The following IQSEC1 variants were observed in gnomAD, a reference collection of about 807,000 sequenced individuals.
The protein encoded by IQSEC1 is IQ motif and SEC7 domain-containing protein 1.
In IQSEC1, 31 loss-of-function variants were observed where a neutral mutation model predicts 91.0. The observed-to-expected ratio is 0.34, with a 90% confidence interval of 0.26 to 0.46. IQSEC1 has a LOEUF of 0.46. IQSEC1 is among the 20% of genes least tolerant of loss of function. IQSEC1 has a pLI of 1.00. For missense variants in IQSEC1, 1,388 were observed against 1,575.6 expected, an observed-to-expected ratio of 0.88 and a Z score of 2.02; for synonymous variants, 699 against 662.6, an observed-to-expected ratio of 1.05 and a Z score of -0.84.
chr3:12,928,065 G>A (rs1169720108), intron 3 of IQSEC1, among the ~76,000 whole-genome samples: 1 of 152,222 alleles, frequency 6.6e-6, no homozygotes, highest in African/African-American at 2.4e-5. Context: ...AAGTCCACAA[G>A]AGCGATGCCA....
chr3:13,195,325 A>C (rs73134124), intron 1 of IQSEC1, among the ~76,000 whole-genome samples: 5,703 of 152,274 alleles, frequency 0.037, 331 homozygotes, highest in African/African-American at 0.12. Flanking sequence ...AACAAGAAAG[A>C]GTGGTGACAC....
At chr3:13,208,751 C>A in intron 1 of IQSEC1, among the ~76,000 whole-genome samples, 1 of 152,294 alleles carries the variant, frequency 6.6e-6, no homozygotes, top group Middle Eastern at 3.4e-3. Context: ...CCCCCAACTC[C>A]GACCCCCTTC....
chr3:13,220,174 G>A (rs945041699), intron 1 of IQSEC1, among the ~76,000 whole-genome samples: 1 of 152,226 alleles, frequency 6.6e-6, no homozygotes, highest in Non-Finnish European at 1.5e-5. Flanking sequence ...CTGCCTCCTG[G>A]GGCCGGCAGT....
At chr3:12,953,283 C>G (rs1576027709) in intron 1 of IQSEC1, among the ~76,000 whole-genome samples, 1 of 152,226 alleles carries the variant, frequency 6.6e-6, no homozygotes. Context: ...GCCGGGGCAG[C>G]CCGACCCGAT....
At chr3:13,052,324 T>C (rs536912870) in intron 1 of IQSEC1, among the ~76,000 whole-genome samples, 2 of 152,338 alleles carry the variant, frequency 1.3e-5, no homozygotes, top group South Asian at 4.1e-4. Flanking sequence ...AAGACCGGCT[T>C]TCTGCACTCA....
At chr3:13,085,515 GC>G (rs1705721020) in intron 2 of IQSEC1, among the ~76,000 whole-genome samples, 2 of 152,170 alleles carry the variant, frequency 1.3e-5, no homozygotes, top group South Asian at 4.1e-4. Context: ...AGAAAACTAG[GC>G]CTCCGTGACG....
At chr3:13,010,975 G>A (rs1470219391) in intron 1 of IQSEC1, among the ~76,000 whole-genome samples, 1 of 152,112 alleles carries the variant, frequency 6.6e-6, no homozygotes, top group Admixed American at 6.5e-5. Context: ...CCTCCTCCTG[G>A]AAGCCTCCCC....
chr3:13,075,810 G>A (rs1705553747), upstream of IQSEC1, among the ~76,000 whole-genome samples: 1 of 152,190 alleles, frequency 6.6e-6, no homozygotes, highest in Admixed American at 6.5e-5. Context: ...GCACAGAGGA[G>A]GCTCCAAAAA....
chr3:13,038,260 GTGTATATATATATATATATA>G (rs1232733364), intron 1 of IQSEC1, among the ~76,000 whole-genome samples: 6 of 62,360 alleles, frequency 9.6e-5, no homozygotes, highest in Admixed American at 2.4e-4. Flanking sequence ...GTGTGTGTGT[GTGTATATATATATATATATA>G]TATATATATA....
chr3:12,953,138 AG>A (rs1699669571), intron 1 of IQSEC1, among the ~76,000 whole-genome samples: 1 of 152,204 alleles, frequency 6.6e-6, no homozygotes, highest in African/African-American at 2.4e-5. Flanking sequence ...GAACTGAGCA[AG>A]CCAGGGGGAA....
chr3:13,061,771 G>A lies in IQSEC1; in HGVS notation c.23+11221C>T, dbSNP rs562665879. On this transcript the variant is annotated intron_variant, in intron 1 of 13. Coordinates refer to ENST00000613206, the MANE Select transcript of IQSEC1 (RefSeq NM_001134382.3). ...TCCTCTAACTCCAAGCAAAGCCTGT[G>A]GCCTGTTTCTAGACTTGGTTTACCC... is the stretch of plus-strand genomic sequence containing the variant. Among the ~76,000 whole-genome samples the A allele has an allele frequency of 1.1e-4, 16 of 152,248 alleles. No individual in the cohort carries two copies. The East Asian group carries it at 2.7e-3, about 26-fold the overall frequency.
intron 3 of IQSEC1, among the ~76,000 whole-genome samples, chr3:12,926,884 A>G (rs954101070): frequency 2.0e-5 from 3 of 152,210 alleles, no homozygotes; most frequent in African/African-American, 7.2e-5. Context: ...GGAGTGTGGC[A>G]GGGAGCAGAC....
chr3:12,899,627 C>G lies in IQSEC1; in HGVS notation c.*1356G>C, dbSNP rs547837736. On this transcript the variant is annotated 3_prime_UTR_variant, in exon 14 of 14. Coordinates refer to ENST00000613206, the MANE Select transcript of IQSEC1 (RefSeq NM_001134382.3). ...CGGGCACTCGTCGGCTGGGGTCACACGGGCCACGGTGAGGACACAGGGGTT... is the reference window on the plus strand; with the variant it reads ...CGGGCACTCGTCGGCTGGGGTCACAGGGGCCACGGTGAGGACACAGGGGTT... 16 of 985,436 alleles carry G rather than the reference C, an allele frequency of 1.6e-5. No individual in the cohort carries two copies. The East Asian group carries it at 4.5e-4, about 28-fold the overall frequency. 61.0% of individuals were successfully genotyped at this position (985,436 alleles called of 1,614,324 possible). A position where few individuals can be genotyped will look rare whatever the true frequency, so the allele number is the denominator to read the frequency against.
At chr3:13,110,918 A>C (rs371169813) in intron 2 of IQSEC1, among the ~76,000 whole-genome samples, 100 of 152,314 alleles carry the variant, frequency 6.6e-4, no homozygotes, top group African/African-American at 2.3e-3. Context: ...AGCAGTAAAC[A>C]ATGACGATGC....
chr3:13,174,094 C>T (rs1426693877), intron 1 of IQSEC1, among the ~76,000 whole-genome samples: 1 of 152,166 alleles, frequency 6.6e-6, no homozygotes, highest in Non-Finnish European at 1.5e-5. Flanking sequence ...GGTTCCTACC[C>T]GCTTCCCCAC....
intron 1 of IQSEC1, among the ~76,000 whole-genome samples, chr3:13,028,388 C>T (rs559840187): frequency 4.6e-5 from 7 of 152,160 alleles, no homozygotes; most frequent in Non-Finnish European, 8.8e-5. Context: ...CAGGCTAGGC[C>T]GGCAGGAAGT....
chr3:13,212,658 G>A (rs7625189), intron 1 of IQSEC1, among the ~76,000 whole-genome samples: 2,630 of 152,250 alleles, frequency 0.017, 79 homozygotes, highest in African/African-American at 0.059. Flanking sequence ...GTTTCTCCAC[G>A]TCCTCATCTC....
intron 2 of IQSEC1, among the ~76,000 whole-genome samples, chr3:13,128,709 CCAA>C (rs989223041): frequency 4.0e-5 from 6 of 151,672 alleles, no homozygotes; most frequent in East Asian, 1.9e-4. Flanking sequence ...ACTAAAAATA[CCAA>C]CAACAACAAC....
chr3:13,072,694 G>T (rs1397551947), intron 1 of IQSEC1, among the ~76,000 whole-genome samples: 1 of 152,276 alleles, frequency 6.6e-6, no homozygotes, highest in East Asian at 1.9e-4. Context: ...AACAGTAGGA[G>T]CCGGTCTGGG....
Sources: allele counts gnomAD v4.1 joint callset (sites outside exome capture counted in the v4.1 genomes callset), GRCh38; gene constraint gnomAD v4.1.1; transcripts MANE v1.5; gene names NCBI Gene and HGNC (gene_info 2026-07-23, HGNC 2026-07-21).